Variants in SYNJ2BP observed in about 807,000 individuals in gnomAD.
SYNJ2BP encodes synaptojanin-2-binding protein.
Under a neutral mutation model 16.9 loss-of-function variants are expected in SYNJ2BP, and 10 were observed. That is an observed-to-expected ratio of 0.59 (90% CI 0.36 to 1.00). SYNJ2BP has a LOEUF of 1.00. SYNJ2BP is among the 50% of genes least tolerant of loss of function. The pLI is 0.01. For synonymous variants in SYNJ2BP, 54 were observed against 68.4 expected, an observed-to-expected ratio of 0.79 and a Z score of 1.04; for missense variants, 162 against 186.7, an observed-to-expected ratio of 0.87 and a Z score of 0.77.
At chr14:70,406,567 C>T (rs1030483419) in intron 1 of SYNJ2BP, among the ~76,000 whole-genome samples, 3 of 152,212 alleles carry the variant, frequency 2.0e-5, no homozygotes, top group African/African-American at 7.2e-5. Context: ...AGATTCTGAA[C>T]TTCCCCGAAT....
At chr14:70,393,602 C>T (rs1275575922) in intron 1 of SYNJ2BP, among the ~76,000 whole-genome samples, 3 of 152,170 alleles carry the variant, frequency 2.0e-5, no homozygotes, top group Non-Finnish European at 4.4e-5. Context: ...ACATATATAT[C>T]ATGGAATACT....
At chr14:70,379,599 G>T (rs1433966132) in intron 2 of SYNJ2BP, among the ~76,000 whole-genome samples, 1 of 152,126 alleles carries the variant, frequency 6.6e-6, no homozygotes, top group Non-Finnish European at 1.5e-5. Context: ...CTAGTCGAGG[G>T]ACTTTAATTT....
chr14:70,410,447 T>C (rs1482050153), intron 1 of SYNJ2BP, among the ~76,000 whole-genome samples: 2 of 152,058 alleles, frequency 1.3e-5, no homozygotes, highest in Non-Finnish European at 2.9e-5. Flanking sequence ...TATAAAAACA[T>C]TCCATTATAT....
intron 1 of SYNJ2BP, among the ~76,000 whole-genome samples, chr14:70,393,910 G>A (rs1379666416): frequency 6.9e-6 from 1 of 145,692 alleles, no homozygotes; most frequent in Admixed American, 7.1e-5. Context: ...CATGGCACAT[G>A]TATACCTATG....
intron 1 of SYNJ2BP, among the ~76,000 whole-genome samples, chr14:70,394,846 A>C (rs1888056910): frequency 6.6e-6 from 1 of 152,132 alleles, no homozygotes; most frequent in African/African-American, 2.4e-5. Context: ...AAACACAAGT[A>C]CTCATTTTTC....
At chr14:70,393,901 A>C (rs948931658) in intron 1 of SYNJ2BP, among the ~76,000 whole-genome samples, 2 of 150,704 alleles carry the variant, frequency 1.3e-5, no homozygotes, top group African/African-American at 4.9e-5. Context: ...GGAAACCACC[A>C]TGGCACATGT....
At chr14:70,398,758 C>T (rs1205462768) in intron 1 of SYNJ2BP, among the ~76,000 whole-genome samples, 6 of 152,182 alleles carry the variant, frequency 3.9e-5, no homozygotes, top group South Asian at 2.1e-4. Context: ...GCAGCCAGCA[C>T]TAGCTGTGCC....
chr14:70,409,939 G>A (rs1456689207), intron 1 of SYNJ2BP, among the ~76,000 whole-genome samples: 3 of 134,196 alleles, frequency 2.2e-5, no homozygotes, highest in Admixed American at 7.9e-5. Flanking sequence ...GTGAGATCTC[G>A]TCTCTACAAA....
chr14:70,366,810 C>G lies in SYNJ2BP; in HGVS notation c.*6181G>C, dbSNP rs754826715. On this transcript the variant is annotated 3_prime_UTR_variant, in exon 4 of 4. Transcript: ENST00000256366. ...GAAGCAGAAAGGAAGCAAAACAAAA[C>G]AGGGTTCATGAGGAAAATAATCTTC... 1.4e-4 allele frequency: 21 copies of G among 152,132 alleles called. No homozygotes were observed. The highest frequency in any genetic ancestry group is 2.4e-4 in the Non-Finnish European group (16 of 68,010). The allele number at this position is 152,132 out of a possible 1,614,324, so 9.4% of individuals were successfully genotyped here. A position where few individuals can be genotyped will look rare whatever the true frequency, so the allele number is the denominator to read the frequency against.
intron 2 of SYNJ2BP, among the ~76,000 whole-genome samples, chr14:70,385,570 G>A (rs1326670883): frequency 2.0e-5 from 3 of 151,684 alleles, no homozygotes; most frequent in South Asian, 4.2e-4. Flanking sequence ...TAGTAGAGAC[G>A]GGGTTTTGCC....
chr14:70,391,231 C>T (rs1055518989), intron 1 of SYNJ2BP, among the ~76,000 whole-genome samples: 13 of 152,070 alleles, frequency 8.5e-5, no homozygotes, highest in African/African-American at 3.1e-4. Flanking sequence ...ATAGAAAGTG[C>T]TACTTCTGGA....
intron 1 of SYNJ2BP, among the ~76,000 whole-genome samples, chr14:70,394,157 G>A (rs1888040315): frequency 1.3e-5 from 2 of 151,902 alleles, no homozygotes; most frequent in Admixed American, 1.3e-4. Context: ...GTTTTAAAAT[G>A]TAATGTTCAT....
chr14:70,392,881 T>C (rs1888009596), intron 1 of SYNJ2BP, among the ~76,000 whole-genome samples: 1 of 152,150 alleles, frequency 6.6e-6, no homozygotes, highest in South Asian at 2.1e-4. Context: ...TGCTAATCAT[T>C]GGCTATGGCC....
At chr14:70,400,379 A>T (rs1201177011) in intron 1 of SYNJ2BP, among the ~76,000 whole-genome samples, 1 of 152,240 alleles carries the variant, frequency 6.6e-6, no homozygotes, top group Non-Finnish European at 1.5e-5. Context: ...AACATACACA[A>T]GTATTATTCA....
At chr14:70,413,268 T>C (rs1488009542) in intron 1 of SYNJ2BP, among the ~76,000 whole-genome samples, 1 of 152,182 alleles carries the variant, frequency 6.6e-6, no homozygotes, top group East Asian at 1.9e-4. Flanking sequence ...CTTCTTACAG[T>C]TGAGAAAGCA....
chr14:70,368,239 T>G lies in SYNJ2BP; in HGVS notation c.*4752A>C, dbSNP rs541612608. The G allele has an allele frequency of 6.6e-6, 1 of 152,246 alleles. No homozygotes were observed. The highest frequency in any genetic ancestry group is 1.5e-5 in the Non-Finnish European group (1 of 68,040). 9.4% of individuals were successfully genotyped at this position (152,246 alleles called of 1,614,324 possible). On this transcript the variant is annotated 3_prime_UTR_variant, in exon 4 of 4. Coordinates refer to ENST00000256366, the MANE Select transcript of SYNJ2BP (RefSeq NM_018373.3). ...ATATGAGATCATTCTCAGATTGTTCTGTGGAATCTCCCAATTCCAATAATG... is the reference window on the plus strand; with the variant it reads ...ATATGAGATCATTCTCAGATTGTTCGGTGGAATCTCCCAATTCCAATAATG...
chr14:70,409,172 C>T (rs1445182051), intron 1 of SYNJ2BP, among the ~76,000 whole-genome samples: 1 of 152,150 alleles, frequency 6.6e-6, no homozygotes, highest in Non-Finnish European at 1.5e-5. Context: ...TCCTTGATCT[C>T]CCAAAGTGCT....
At chr14:70,389,795 T>G (rs1182421021) in intron 1 of SYNJ2BP, among the ~76,000 whole-genome samples, 1 of 152,228 alleles carries the variant, frequency 6.6e-6, no homozygotes, top group Admixed American at 6.5e-5. Flanking sequence ...CAACTTTTAT[T>G]CACTGTAGAA....
intron 1 of SYNJ2BP, among the ~76,000 whole-genome samples, chr14:70,415,412 G>A (rs7150428): frequency 0.12 from 17,605 of 151,454 alleles, 1,606 homozygotes; most frequent in East Asian, 0.53. Context: ...TTAGCCGGGC[G>A]TGGCAGTGCA....
Sources: allele counts gnomAD v4.1 joint callset (sites outside exome capture counted in the v4.1 genomes callset), GRCh38; gene constraint gnomAD v4.1.1; transcripts MANE v1.5; gene names NCBI Gene and HGNC (gene_info 2026-07-23, HGNC 2026-07-21).